LYST: variants seen among roughly 807,000 people sequenced by gnomAD.
LYST encodes lysosomal-trafficking regulator.
In LYST, 192 loss-of-function variants were observed where a neutral mutation model predicts 413.6. That is an observed-to-expected ratio of 0.46 (90% CI 0.41 to 0.52). LYST has a LOEUF of 0.52. LYST is among the 20% of genes least tolerant of loss of function. The pLI, the probability that LYST is intolerant of heterozygous loss-of-function variation, is 0.00. For missense variants in LYST, 3,815 were observed against 4,499.9 expected, an observed-to-expected ratio of 0.85 and a Z score of 4.35; for synonymous variants, 1,525 against 1,567.3, an observed-to-expected ratio of 0.97 and a Z score of 0.64.
At chr1:235,842,376 CCA>C (rs1436383937) in intron 1 of LYST, among the ~76,000 whole-genome samples, 1 of 152,114 alleles carries the variant, frequency 6.6e-6, no homozygotes, top group Non-Finnish European at 1.5e-5. Context: ...ATGACAACAT[CCA>C]CAGTGTGGCC....
intron 16 of LYST, among the ~76,000 whole-genome samples, chr1:235,778,700 T>C (rs1572229769): frequency 6.6e-6 from 1 of 150,656 alleles, no homozygotes; most frequent in Non-Finnish European, 1.5e-5. Flanking sequence ...GCTTTATTTA[T>C]GACCCACAGC....
intron 1 of LYST, among the ~76,000 whole-genome samples, chr1:235,838,262 C>T (rs1572414766): frequency 6.6e-6 from 1 of 152,300 alleles, no homozygotes; most frequent in East Asian, 1.9e-4. Flanking sequence ...TCCTGCCAGG[C>T]TGCCAATGAG....
chr1:235,717,473 T>A (rs1297103212), intron 40 of LYST, among the ~76,000 whole-genome samples: 1 of 152,122 alleles, frequency 6.6e-6, no homozygotes, highest in Non-Finnish European at 1.5e-5. Flanking sequence ...CAGGAATGAA[T>A]CCTCACTTTT....
intron 43 of LYST, among the ~76,000 whole-genome samples, chr1:235,710,566 A>G (rs959970120): frequency 3.3e-5 from 5 of 152,178 alleles, no homozygotes; most frequent in Non-Finnish European, 7.4e-5. Context: ...ATAGGAAATG[A>G]TATGATATAC....
intron 10 of LYST, among the ~76,000 whole-genome samples, chr1:235,799,928 CTTTTTTTTTTTTTTTTTTTTTTTTTTTTT>C (rs67988872): frequency 1.4e-3 from 90 of 63,502 alleles, no homozygotes; most frequent in Non-Finnish European, 2.2e-3. Flanking sequence ...CAATGGAAGC[CTTTTTTTTTTTTTTTTTTTTTTTTTTTTT>C]TTTTTTTTTT....
intron 4 of LYST, among the ~76,000 whole-genome samples, chr1:235,812,001 C>T (rs74148830): frequency 0.054 from 8,250 of 151,874 alleles, 760 homozygotes; most frequent in African/African-American, 0.19. Context: ...AATTAAAATA[C>T]AATAATTTTT....
In LYST at chr1:235,697,237, C is replaced by T. The variant is rs1661185349; in HGVS notation, c.10410G>A (p.Gly3470=). 1.9e-6 allele frequency: 3 copies of T among 1,613,998 alleles called. No individual in the cohort carries two copies. The highest frequency in any genetic ancestry group is 2.5e-6 in the Non-Finnish European group (3 of 1,179,952). ...PLSWIKGLKW[G]EYVGSPSAPV... Reference sequence around the variant, plus strand: ...GAGCACTGGGGGAACCCACGTATTCCCCCCATTTCAAGCCTTTTATCCATG... The same window carrying T: ...GAGCACTGGGGGAACCCACGTATTCTCCCCATTTCAAGCCTTTTATCCATG... The change falls in exon 46 of 53, where the codon GGG becomes GGA. Residue 3470 remains glycine (G), a synonymous_variant. Coordinates refer to ENST00000389793, the MANE Select transcript of LYST (RefSeq NM_000081.4).
chr1:235,748,037 A>C (rs12754161), intron 28 of LYST, among the ~76,000 whole-genome samples: 76 of 152,374 alleles, frequency 5.0e-4, no homozygotes, highest in Non-Finnish European at 1.0e-3. Flanking sequence ...TTGAGGGCTG[A>C]ATAAACGGAT....
At chr1:235,773,651 T>C (rs1401541055) in intron 19 of LYST, among the ~76,000 whole-genome samples, 191 bp downstream of exon 19, 1 of 152,102 alleles carries the variant, frequency 6.6e-6, no homozygotes, top group African/African-American at 2.4e-5. Flanking sequence ...GAACATTTGT[T>C]TAAAGGGTAC....
At chr1:235,822,215 A>C (rs1308532817) in intron 3 of LYST, among the ~76,000 whole-genome samples, 1 of 152,208 alleles carries the variant, frequency 6.6e-6, no homozygotes, top group African/African-American at 2.4e-5. Flanking sequence ...GCTAATTGTT[A>C]TAGAAAAGAG....
intron 40 of LYST, among the ~76,000 whole-genome samples, chr1:235,718,950 A>G (rs1173411188): frequency 6.6e-6 from 1 of 152,128 alleles, no homozygotes; most frequent in Non-Finnish European, 1.5e-5. Flanking sequence ...TGCAGTCATT[A>G]TTCTTTTTAT....
chr1:235,762,704 T>C lies in LYST; in HGVS notation c.6253+16A>G. On this transcript the variant is annotated intron_variant, in intron 22 of 52. Coordinates refer to ENST00000389793, the MANE Select transcript of LYST (RefSeq NM_000081.4). ...CTAAAATGAGAAGGTCATACTTCCA[T>C]TATTGCTATTTTTACCTTCATATGG... 1 of 1,610,870 alleles carries C rather than the reference T, an allele frequency of 6.2e-7. No individual in the cohort carries two copies. The highest frequency in any genetic ancestry group is 8.5e-7 in the Non-Finnish European group (1 of 1,177,370).
In LYST at chr1:235,712,217, A is replaced by C; in HGVS notation, c.9785-20T>G. On this transcript the variant is annotated intron_variant, in intron 42 of 52. Transcript: ENST00000389793. ...TTTGATCTATAAAAAAATACAAATAATACGATTAAGACACAAAGACCTAAT... is the reference window on the plus strand; with the variant it reads ...TTTGATCTATAAAAAAATACAAATACTACGATTAAGACACAAAGACCTAAT... 1.3e-6 allele frequency: 2 copies of C among 1,537,390 alleles called. No individual in the cohort carries two copies. Among genetic ancestry groups the C allele is most frequent in the African/African-American group, 2.7e-5 (2 of 73,152 alleles).
chr1:235,808,910 A>G lies in LYST; in HGVS notation c.1908T>C (p.Ala636=). The part of the protein sequence containing the change: ...AEISPKIKKA[A]CNICTVDSDQ... ...CAGAGTCAACAGTACAAATATTACAAGCTGCTTTTTTAATTTTTGGTGATA... is the reference window on the plus strand; with the variant it reads ...CAGAGTCAACAGTACAAATATTACAGGCTGCTTTTTTAATTTTTGGTGATA... The change falls in exon 5 of 53, where the codon GCT becomes GCC. Residue 636 remains alanine (A), a synonymous_variant. Coordinates refer to ENST00000389793, the MANE Select transcript of LYST (RefSeq NM_000081.4). The G allele has an allele frequency of 6.2e-7, 1 of 1,612,668 alleles. No homozygotes were observed. Among genetic ancestry groups the G allele is most frequent in the Non-Finnish European group, 8.5e-7 (1 of 1,179,214 alleles).
chr1:235,787,161 A>C (rs776663717), intron 14 of LYST, 39 bp downstream of exon 14: 51 of 1,488,322 alleles, frequency 3.4e-5, no homozygotes, highest in Non-Finnish European at 4.4e-5. Context: ...ATAACATTGT[A>C]ACTGAGATTG....
intron 1 of LYST, among the ~76,000 whole-genome samples, chr1:235,866,005 GCCGAGCGGAT>G (rs1680461228): frequency 6.6e-6 from 1 of 152,168 alleles, no homozygotes; most frequent in Admixed American, 6.5e-5. Context: ...TGTATGGTCT[GCCGAGCGGAT>G]CGGGGATGTT....
intron 1 of LYST, among the ~76,000 whole-genome samples, chr1:235,851,528 C>T (rs1678539929): frequency 6.6e-6 from 1 of 151,802 alleles, no homozygotes; most frequent in African/African-American, 2.4e-5. Flanking sequence ...AACCAAATAC[C>T]ACCTGTACCC....
At position 235,663,965 on chromosome 1, in the gene LYST, GA is replaced by G; in HGVS notation, c.11267+18del. 1 of 1,566,202 alleles carries G rather than the reference GA, an allele frequency of 6.4e-7. No individual in the cohort carries two copies. The highest frequency in any genetic ancestry group is 8.8e-7 in the Non-Finnish European group (1 of 1,136,324). ...TCACAAATTGTATTCTGAAGCATAA[GA>G]GGGGGAGAAGATCTTACCTGATGAT... On this transcript the variant is annotated intron_variant, in intron 52 of 52. Transcript: ENST00000389793.
chr1:235,836,803 A>T (rs1017341783), intron 1 of LYST, among the ~76,000 whole-genome samples: 1 of 152,254 alleles, frequency 6.6e-6, no homozygotes, highest in African/African-American at 2.4e-5. Context: ...TAAGACTGAC[A>T]TAAGAACAGT....
Sources: allele counts gnomAD v4.1 joint callset (sites outside exome capture counted in the v4.1 genomes callset), GRCh38; gene constraint gnomAD v4.1.1; transcripts MANE v1.5; gene names NCBI Gene and HGNC (gene_info 2026-07-23, HGNC 2026-07-21).